TWF2: variants seen among roughly 807,000 people sequenced by gnomAD.
TWF2 encodes twinfilin actin binding protein 2.
TWF2 carries 15 observed loss-of-function variants against 45.1 expected under a neutral mutation model. The observed-to-expected ratio is 0.33, with a 90% confidence interval of 0.22 to 0.51. The LOEUF is 0.51. Ranked by LOEUF, TWF2 falls within the 20% of genes least tolerant of loss-of-function variation. TWF2 has a pLI of 0.97. For synonymous variants in TWF2, 177 were observed against 195.8 expected, an observed-to-expected ratio of 0.90 and a Z score of 0.80; for missense variants, 423 against 469.1, an observed-to-expected ratio of 0.90 and a Z score of 0.91.
chr3:52,232,221 C>A (rs371400074), intron 2 of TWF2, 99 bp from the exon 3 acceptor site: 1 of 1,380,814 alleles, frequency 7.2e-7, no homozygotes, highest in South Asian at 1.5e-5. Flanking sequence ...GGCTCAGAGC[C>A]GCCGGCTGCC....
At chr3:52,231,094 G>T in intron 5 of TWF2, 33 bp downstream of exon 5, 2 of 1,613,702 alleles carry the variant, frequency 1.2e-6, no homozygotes, top group Non-Finnish European at 1.7e-6. Flanking sequence ...TGACCCTGAG[G>T]GCTCAAGGCT....
At chr3:52,235,851 C>T (rs1354154041) in intron 1 of TWF2, among the ~76,000 whole-genome samples, 3 of 152,210 alleles carry the variant, frequency 2.0e-5, no homozygotes, top group African/African-American at 4.8e-5. Flanking sequence ...AGCCCCAGTC[C>T]CAGCCCTCCA....
intron 1 of TWF2, 62 bp downstream of exon 1, chr3:52,238,930 G>GT: frequency 2.9e-6 from 4 of 1,387,706 alleles, no homozygotes; most frequent in South Asian, 1.2e-5. Flanking sequence ...GCCGAGAGCC[G>GT]GGGGGGGGCG....
intron 1 of TWF2, among the ~76,000 whole-genome samples, chr3:52,236,758 T>C (rs1577988204): frequency 6.6e-6 from 1 of 152,144 alleles, no homozygotes; most frequent in East Asian, 1.9e-4. Context: ...CCAACTGAGC[T>C]CAGCAGACCC....
chr3:52,233,881 T>A (rs1577986837), intron 2 of TWF2, among the ~76,000 whole-genome samples: 1 of 121,962 alleles, frequency 8.2e-6, no homozygotes, highest in Non-Finnish European at 1.6e-5. Flanking sequence ...ACCACTACAC[T>A]CCAGCCTGGG....
At chr3:52,235,540 T>TCACA (rs149768402) in intron 1 of TWF2, among the ~76,000 whole-genome samples, 51 of 147,924 alleles carry the variant, frequency 3.4e-4, no homozygotes, top group African/African-American at 6.7e-4. Flanking sequence ...CTATGCCCAT[T>TCACA]CACACACACA....
In TWF2 at chr3:52,231,931, G is replaced by A; in HGVS notation, c.282+13C>T. ...CAGCTCCCCTCCTCACTTCCCACTGGCCCAGGACTCACGGGGGAGTTATCA... is the reference window on the plus strand; with the variant it reads ...CAGCTCCCCTCCTCACTTCCCACTGACCCAGGACTCACGGGGGAGTTATCA... On this transcript the variant is annotated intron_variant, in intron 3 of 8. Coordinates refer to ENST00000305533, the MANE Select transcript of TWF2 (RefSeq NM_007284.4). 2 of 1,608,204 alleles carry A rather than the reference G, an allele frequency of 1.2e-6. No individual in the cohort carries two copies. The highest frequency in any genetic ancestry group is 1.1e-5 in the South Asian group (1 of 90,076).
intron 8 of TWF2, 70 bp downstream of exon 8, chr3:52,229,591 A>G: frequency 6.3e-7 from 1 of 1,580,632 alleles, no homozygotes; most frequent in Non-Finnish European, 8.6e-7. Context: ...TCATCTCAGG[A>G]CCCCAGCGCC....
chr3:52,231,303 A>T, intron 4 of TWF2, 72 bp from the exon 5 acceptor site: 1 of 1,588,430 alleles, frequency 6.3e-7, no homozygotes, highest in Non-Finnish European at 8.6e-7. Flanking sequence ...CCCACGGAGC[A>T]CGCCAGCTTG....
At chr3:52,232,941 C>T (rs1182997523) in intron 2 of TWF2, among the ~76,000 whole-genome samples, 2 of 152,148 alleles carry the variant, frequency 1.3e-5, no homozygotes, top group Non-Finnish European at 2.9e-5. Flanking sequence ...ACCCAGGAGG[C>T]GGAGGTTGTG....
chr3:52,236,262 T>C (rs906536155), intron 1 of TWF2, among the ~76,000 whole-genome samples: 3 of 149,134 alleles, frequency 2.0e-5, no homozygotes, highest in African/African-American at 5.0e-5. Flanking sequence ...GATCACACCA[T>C]TGCACTCCAG....
intron 1 of TWF2, among the ~76,000 whole-genome samples, chr3:52,238,179 C>T (rs1167023702): frequency 6.6e-6 from 1 of 152,156 alleles, no homozygotes; most frequent in Non-Finnish European, 1.5e-5. Context: ...AGGACTCTCC[C>T]CACAAAACCC....
In TWF2 at chr3:52,239,099, G is replaced by T; in HGVS notation, c.-83C>A. On this transcript the variant is annotated 5_prime_UTR_variant, in exon 1 of 9. Transcript: ENST00000305533. ...CAACGCTCGCTGGACCAAGAGAGGT[G>T]GAGGATGTGGCGGAGGCTGTCGACC... 4 of 1,513,822 alleles carry T rather than the reference G, an allele frequency of 2.6e-6. No individual in the cohort carries two copies. The South Asian group carries it at 4.8e-5, about 18-fold the overall frequency. The allele number at this position is 1,513,822 out of a possible 1,614,324, so 93.8% of individuals were successfully genotyped here.
Position 52,232,060 on chromosome 3 carries a change from C to A in TWF2, c.166G>T (p.Ala56Ser). ...TGGGCGTCCAGCAGTGGCAGCACGG[C>A]CCTGTCATAGTCCTGATCCCAGCGG... ...VGRWDQDYDR[A>S]VLPLLDAQQP... The change falls in exon 3 of 9, where the codon GCC becomes TCC. Residue 56 changes from alanine to serine, a missense_variant. By Grantham distance (99) the Ala-to-Ser change is moderately conservative. Coordinates refer to ENST00000305533, the MANE Select transcript of TWF2 (RefSeq NM_007284.4). 6.2e-7 allele frequency: 1 copy of A among 1,613,750 alleles called. No homozygotes were observed.
chr3:52,238,857 C>A, intron 1 of TWF2, 135 bp downstream of exon 1: 1 of 1,276,462 alleles, frequency 7.8e-7, no homozygotes, highest in Admixed American at 2.5e-5. Flanking sequence ...CCACCCCAGG[C>A]GACCCGCGGC....
rs1471650494 is a variant in TWF2 at position 52,228,818 on chromosome 3, G to A, written c.*216C>T. On this transcript the variant is annotated 3_prime_UTR_variant, in exon 9 of 9. Coordinates refer to ENST00000305533, the MANE Select transcript of TWF2 (RefSeq NM_007284.4). The stretch of plus-strand genomic sequence containing the variant: ...CTTAAGCCAGCCAGGCAGGGTCCCC[G>A]GACACCCTGGGCACACAGACGAGAT... The A allele has an allele frequency of 9.7e-6, 7 of 718,636 alleles. No individual in the cohort carries two copies. Among genetic ancestry groups the A allele is most frequent in the East Asian group, 6.0e-5 (2 of 33,454 alleles). 44.5% of individuals were successfully genotyped at this position (718,636 alleles called of 1,614,324 possible).
chr3:52,229,889 C>T (rs765347323), intron 7 of TWF2, 31 bp downstream of exon 7: 2 of 1,597,022 alleles, frequency 1.3e-6, no homozygotes, highest in South Asian at 1.1e-5. Flanking sequence ...CACCCAGCCA[C>T]AGGCTTGGGA....
chr3:52,232,804 G>A (rs182251557), intron 2 of TWF2, among the ~76,000 whole-genome samples: 64 of 152,324 alleles, frequency 4.2e-4, no homozygotes, highest in Non-Finnish European at 8.2e-4. Context: ...ATCGCCTGAG[G>A]TTGGGAGTTC....
chr3:52,231,080 G>T (rs202123587), intron 5 of TWF2, 47 bp downstream of exon 5: 1 of 1,612,594 alleles, frequency 6.2e-7, no homozygotes, highest in African/African-American at 1.3e-5. Flanking sequence ...CCACTGGGCC[G>T]ATATGACCCT....
Sources: gnomAD v4.1 joint callset for allele counts (sites outside exome capture counted in the v4.1 genomes callset) on GRCh38, gnomAD v4.1.1 for gene constraint, MANE v1.5 for transcripts, NCBI Gene and HGNC (gene_info 2026-07-23, HGNC 2026-07-21) for gene names.